The following SPACA9 variants were observed in gnomAD, a reference collection of about 807,000 sequenced individuals.
The protein encoded by SPACA9 is sperm acrosome associated 9.
A neutral mutation model predicts 12.5 loss-of-function variants in SPACA9; 14 were observed. The observed-to-expected ratio is 1.12, with a 90% CI of 0.74 to 1.75. SPACA9 has a LOEUF of 1.75. Ranked by LOEUF, SPACA9 falls within the 40% of genes most tolerant of loss-of-function variation. The pLI, the probability that SPACA9 is intolerant of heterozygous loss-of-function variation, is 0.00. For missense variants in SPACA9, 292 were observed against 291.9 expected, an observed-to-expected ratio of 1.00 and a Z score of 0.00; for synonymous variants, 111 against 114.1, an observed-to-expected ratio of 0.97 and a Z score of 0.17.
chr9:132,888,892 C>A lies in SPACA9; in HGVS notation c.*281C>A. The A allele has an allele frequency of 2.9e-6, 2 of 689,594 alleles. No homozygotes were observed. Among genetic ancestry groups the A allele is most frequent in the Non-Finnish European group, 4.0e-6 (2 of 503,652 alleles). The allele number at this position is 689,594 out of a possible 1,614,324, so 42.7% of individuals were successfully genotyped here. A position where few individuals can be genotyped will look rare whatever the true frequency, so the allele number is the denominator to read the frequency against. ...ACGCCATTCTCCTGCCTCAGCCTCC[C>A]AAGTAGCTGGGACTACAGGCGCCCA... On this transcript the variant is annotated 3_prime_UTR_variant, in exon 4 of 4. Transcript: ENST00000356311. This position sits in a 1 kb window ranked among gnomAD's most constrained non-coding sequence, Gnocchi z 5.0.
chr9:132,884,990 G>A (rs1844525613), intron 2 of SPACA9, among the ~76,000 whole-genome samples: 1 of 151,982 alleles, frequency 6.6e-6, no homozygotes, highest in Non-Finnish European at 1.5e-5. Context: ...GTGCGCATCT[G>A]TAATCCCAGC....
chr9:132,886,797 C>G (rs1049538968), intron 2 of SPACA9, among the ~76,000 whole-genome samples: 2 of 151,986 alleles, frequency 1.3e-5, no homozygotes, highest in Non-Finnish European at 2.9e-5. Context: ...ACCCATCCAT[C>G]CGTCCATTTA....
At chr9:132,884,534 G>A (rs1000601599) in intron 2 of SPACA9, among the ~76,000 whole-genome samples, 7 of 152,226 alleles carry the variant, frequency 4.6e-5, no homozygotes, top group East Asian at 1.9e-4. Context: ...AGGTGCTTTC[G>A]CAGATGTTTT....
intron 2 of SPACA9, among the ~76,000 whole-genome samples, chr9:132,884,748 G>A (rs150835104): frequency 3.9e-5 from 6 of 152,332 alleles, no homozygotes; most frequent in South Asian, 2.1e-4. Context: ...GGGAACAGGC[G>A]CAGGGCTCAG....
In SPACA9 at chr9:132,888,771, ACTT is replaced by A. The variant is rs993072110; in HGVS notation, c.*164_*166del. The A allele has an allele frequency of 1.8e-5, 25 of 1,395,326 alleles. No homozygotes were observed. The highest frequency in any genetic ancestry group is 1.2e-4 in the African/African-American group (8 of 67,278). 86.4% of individuals were successfully genotyped at this position (1,395,326 alleles called of 1,614,324 possible). On this transcript the variant is annotated 3_prime_UTR_variant, in exon 4 of 4. Transcript: ENST00000356311. The surrounding 1 kb of genome is among the most constrained non-coding windows in gnomAD (Gnocchi z 5.0). ...ACTTCCTCTCTCTCTTCTTGCTTTA[ACTT>A]CTTTTTTTTTTGAGACGGAGTCTCG... is the stretch of plus-strand genomic sequence containing the variant.
upstream of SPACA9, chr9:132,878,380 C>G (rs552063043): frequency 6.4e-6 from 8 of 1,245,794 alleles, no homozygotes; most frequent in African/African-American, 7.8e-5. This position sits in a 1 kb window ranked among gnomAD's most constrained non-coding sequence, Gnocchi z 4.7. Flanking sequence ...ACCCGATCCT[C>G]GGTCGCGCGG....
In SPACA9 at chr9:132,888,851, TC is replaced by T. The variant is rs1844653614; in HGVS notation, c.*242del. The T allele has an allele frequency of 8.7e-6, 8 of 917,716 alleles. No homozygotes were observed. In the South Asian group the frequency reaches 1.9e-4, roughly 22 times the overall value. 56.8% of individuals were successfully genotyped at this position (917,716 alleles called of 1,614,324 possible). On this transcript the variant is annotated 3_prime_UTR_variant, in exon 4 of 4. Coordinates refer to ENST00000356311, the MANE Select transcript of SPACA9 (RefSeq NM_001316897.2). The surrounding 1 kb of genome is among the most constrained non-coding windows in gnomAD (Gnocchi z 5.0). Reference sequence around the variant, plus strand: ...GGCGCAACCTCGGCTCACTGCAACCTCCGCCTCCCAGGTTCACGCCATTCTC... The same window carrying T: ...GGCGCAACCTCGGCTCACTGCAACCTCGCCTCCCAGGTTCACGCCATTCTC...
At chr9:132,881,114 G>A (rs1167010780) in intron 1 of SPACA9, among the ~76,000 whole-genome samples, 1 of 151,692 alleles carries the variant, frequency 6.6e-6, no homozygotes, top group Non-Finnish European at 1.5e-5. Flanking sequence ...GTGAGCTACC[G>A]CGCCCAGCCA....
In SPACA9 at chr9:132,887,656, A is replaced by G. The variant is rs763012556; in HGVS notation, c.347+85A>G. The G allele has an allele frequency of 6.4e-5, 78 of 1,221,218 alleles. 1 individual carries two copies. The Middle Eastern group carries it at 1.0e-3, about 16-fold the overall frequency. The allele number at this position is 1,221,218 out of a possible 1,614,324, so 75.6% of individuals were successfully genotyped here. A position where few individuals can be genotyped will look rare whatever the true frequency, so the allele number is the denominator to read the frequency against. On this transcript the variant is annotated intron_variant, in intron 3 of 3. Coordinates refer to ENST00000356311, the MANE Select transcript of SPACA9 (RefSeq NM_001316897.2). The surrounding 1 kb of genome is among the most constrained non-coding windows in gnomAD (Gnocchi z 5.4). ...CTGCTTCTTTCCTGTTGCCTGGATC[A>G]TGGTGCTCCTATTAGACCACCCCGG...
Position 132,883,981 on chromosome 9 carries a change from G to A in SPACA9, c.34G>A (p.Glu12Lys), listed in dbSNP as rs376198127. 6.6e-5 allele frequency: 106 copies of A among 1,614,158 alleles called. No individual in the cohort carries two copies. Among genetic ancestry groups the A allele is most frequent in the Admixed American group, 2.0e-4 (12 of 60,022 alleles). ...GGTGAAAGAATCCCTTCGCAGCATC[G>A]AGCAGAAGTACAAGCTCTTCCAGCA... Reference protein sequence around the residue: ...NEVKESLRSIEQKYKLFQQQQ... With the variant: ...NEVKESLRSIKQKYKLFQQQQ... The change falls in exon 2 of 4, where the codon GAG (glutamate) becomes AAG (lysine). Residue 12 changes from glutamate to lysine, a missense_variant. Coordinates refer to ENST00000356311, the MANE Select transcript of SPACA9 (RefSeq NM_001316897.2).
In SPACA9 at chr9:132,887,559, G is replaced by T; in HGVS notation, c.335G>T (p.Ser112Ile). Residue 112 changes from serine (S) to isoleucine (I), a missense_variant, in exon 3 of 4, where the codon AGC (serine) becomes ATC (isoleucine). By Grantham distance (142) the Ser-to-Ile change is moderately radical. Transcript: ENST00000356311. This position sits in a 1 kb window ranked among gnomAD's most constrained non-coding sequence, Gnocchi z 5.4. ...TLVSQSNDLS[S>I]LRAKYPHDVV... is the part of the protein sequence containing the mutation. Reference sequence around the variant, plus strand: ...GTTAGCCAAAGCAACGACTTAAGCAGCCTCAGAGCAAAGTAAGTCCCTCTG... The same window carrying T: ...GTTAGCCAAAGCAACGACTTAAGCATCCTCAGAGCAAAGTAAGTCCCTCTG... 6.2e-7 allele frequency: 1 copy of T among 1,614,002 alleles called. No individual in the cohort carries two copies. The highest frequency in any genetic ancestry group is 8.5e-7 in the Non-Finnish European group (1 of 1,180,010).
upstream of SPACA9, chr9:132,878,668 G>C (rs1844273148): frequency 4.0e-6 from 4 of 1,001,442 alleles, no homozygotes; most frequent in Non-Finnish European, 4.8e-6. This position sits in a 1 kb window ranked among gnomAD's most constrained non-coding sequence, Gnocchi z 4.7. Context: ...AACAGACGCG[G>C]GAATAAATGT....
chr9:132,889,742 G>A lies in SPACA9; in HGVS notation c.*1131G>A. On this transcript the variant is annotated 3_prime_UTR_variant, in exon 4 of 4. Transcript: ENST00000356311. ...AACTCAGTAGTGTGTTTAGTTCTCT[G>A]GACCACAGCCAAAGGGGAATAAACT... The A allele has an allele frequency of 8.0e-7, 1 of 1,243,848 alleles. No individual in the cohort carries two copies. Among genetic ancestry groups the A allele is most frequent in the Non-Finnish European group, 1.0e-6 (1 of 981,778 alleles). The allele number at this position is 1,243,848 out of a possible 1,614,324, so 77.1% of individuals were successfully genotyped here.
chr9:132,878,734 G>C (rs970105922), upstream of SPACA9: 31 of 986,814 alleles, frequency 3.1e-5, no homozygotes, highest in Non-Finnish European at 3.7e-5. This position sits in a 1 kb window ranked among gnomAD's most constrained non-coding sequence, Gnocchi z 4.7. Flanking sequence ...GAGGTTCGAG[G>C]ATCGGGTGGA....
At chr9:132,878,351 C>G, upstream of SPACA9, 1 of 1,262,656 alleles carries the variant, frequency 7.9e-7, no homozygotes, top group Non-Finnish European at 1.0e-6. The surrounding 1 kb of genome is among the most constrained non-coding windows in gnomAD (Gnocchi z 4.7). Context: ...GCCCTGCAGG[C>G]TCCGCGCCGG....
chr9:132,882,851 C>T (rs1003546399), intron 1 of SPACA9, among the ~76,000 whole-genome samples: 3 of 152,132 alleles, frequency 2.0e-5, no homozygotes, highest in African/African-American at 7.2e-5. Context: ...ACTGACGATG[C>T]TGGTTAGACG....
chr9:132,879,238 T>C (rs1844305620), intron 1 of SPACA9, among the ~76,000 whole-genome samples: 1 of 152,190 alleles, frequency 6.6e-6, no homozygotes, highest in African/African-American at 2.4e-5. Flanking sequence ...ATTTTATTAG[T>C]CGCAACACTG....
intron 1 of SPACA9, among the ~76,000 whole-genome samples, chr9:132,882,958 T>C (rs898513256): frequency 6.6e-6 from 1 of 152,128 alleles, no homozygotes; most frequent in Non-Finnish European, 1.5e-5. Flanking sequence ...CCATAGCAGC[T>C]CAAGGGAGCT....
In SPACA9 at chr9:132,888,612, C is replaced by T. The variant is rs765303447; in HGVS notation, c.*1C>T. The T allele has an allele frequency of 1.3e-5, 20 of 1,525,994 alleles. No homozygotes were observed. In the South Asian group the frequency reaches 2.3e-4, roughly 18 times the overall value. 94.5% of individuals were successfully genotyped at this position (1,525,994 alleles called of 1,614,324 possible). On this transcript the variant is annotated 3_prime_UTR_variant, in exon 4 of 4. Transcript: ENST00000356311. This position sits in a 1 kb window ranked among gnomAD's most constrained non-coding sequence, Gnocchi z 5.0. ...GAGGCCTCCTGGTGGGAAATTGTAA[C>T]TCAGAGCCAGGAGCTCCGTCGGCGG...
Sources: allele counts gnomAD v4.1 joint callset (sites outside exome capture counted in the v4.1 genomes callset), GRCh38; gene constraint gnomAD v4.1.1; non-coding constraint Gnocchi (gnomAD v3.1); transcripts MANE v1.5; gene names NCBI Gene and HGNC (gene_info 2026-07-23, HGNC 2026-07-21).